The following RARS1 variants were observed in gnomAD, a reference collection of about 807,000 sequenced individuals.
RARS1 encodes the protein arginyl-tRNA synthetase 1.
RARS1 carries 75 observed loss-of-function variants against 78.7 expected under a neutral mutation model. That is an observed-to-expected ratio of 0.95 (90% CI 0.79 to 1.15). The LOEUF is 1.15. Among genes scored for constraint, RARS1 ranks in the 50% most tolerant of loss-of-function variants. The pLI is 0.00. For missense variants in RARS1, 787 were observed against 787.5 expected, an observed-to-expected ratio of 1.00 and a Z score of 0.01; for synonymous variants, 273 against 268.2, an observed-to-expected ratio of 1.02 and a Z score of -0.18.
rs376172227 is a variant in RARS1, at chr5:168,497,205, A to G, written c.702-23A>G. The G allele has an allele frequency of 1.0e-4, 148 of 1,411,178 alleles. No homozygotes were observed. The African/African-American group carries it at 2.0e-3, about 19-fold the overall frequency. The allele number at this position is 1,411,178 out of a possible 1,614,324, so 87.4% of individuals were successfully genotyped here. ...CATCTTTATTATTTAAAAAATGATT[A>G]TATATTCTCTGATTGGTGTTAGGTT... On this transcript the variant is annotated intron_variant, in intron 6 of 14. Transcript: ENST00000231572.
At position 168,488,701 on chromosome 5, in the gene RARS1, T is replaced by C. The variant is rs897341192; in HGVS notation, c.145T>C (p.Leu49=). ...PNLEQLQEEN[L]KLKYRLNILR... ...TTTGGAGCAGTTACAAGAAGAAAAT[T>C]TAAAATTAAAGTATCGACTGAATAT... is the stretch of plus-strand genomic sequence containing the variant. Residue 49 remains leucine, a synonymous_variant, in exon 2 of 15, where the codon TTA becomes CTA. Coordinates refer to ENST00000231572, the MANE Select transcript of RARS1 (RefSeq NM_002887.4). The C allele has an allele frequency of 6.2e-7, 1 of 1,611,062 alleles. No individual in the cohort carries two copies. The highest frequency in any genetic ancestry group is 8.5e-7 in the Non-Finnish European group (1 of 1,179,236).
chr5:168,494,305 G>A (rs562928042), intron 4 of RARS1: 11 of 985,396 alleles, frequency 1.1e-5, no homozygotes, highest in Non-Finnish European at 1.1e-5. Context: ...GTTAAGAGGC[G>A]AACAGATTGT....
At chr5:168,486,621 G>T in intron 1 of RARS1, 78 bp downstream of exon 1, 7 of 1,473,536 alleles carry the variant, frequency 4.8e-6, no homozygotes, top group Non-Finnish European at 5.5e-6. Flanking sequence ...GGCTTCGGGG[G>T]CGGGACAGCT....
intron 12 of RARS1, among the ~76,000 whole-genome samples, chr5:168,516,362 C>T (rs1758666343): frequency 6.6e-6 from 1 of 152,138 alleles, no homozygotes; most frequent in East Asian, 1.9e-4. Context: ...ACTCTTAATA[C>T]ACCCTTGATT....
At chr5:168,507,005 G>C (rs17664559) in intron 11 of RARS1, among the ~76,000 whole-genome samples, 174 bp downstream of exon 11, 1 of 152,164 alleles carries the variant, frequency 6.6e-6, no homozygotes, top group Non-Finnish European at 1.5e-5. Flanking sequence ...GCCAGGGAAT[G>C]TAGCCTTTTA....
At chr5:168,500,769 A>G in intron 8 of RARS1, 49 bp downstream of exon 8, 1 of 1,576,620 alleles carries the variant, frequency 6.3e-7, no homozygotes, top group Non-Finnish European at 8.6e-7. Context: ...TATGTATATC[A>G]TTTCCTGGAG....
chr5:168,511,128 C>T (rs1442911567), intron 12 of RARS1, among the ~76,000 whole-genome samples: 1 of 151,940 alleles, frequency 6.6e-6, no homozygotes, highest in Non-Finnish European at 1.5e-5. Context: ...CCTTTCATGG[C>T]ACCCTTAGAA....
chr5:168,503,338 T>G (rs771339235), intron 9 of RARS1, among the ~76,000 whole-genome samples: 7 of 152,338 alleles, frequency 4.6e-5, no homozygotes, highest in Middle Eastern at 3.4e-3. Context: ...TATGCTGAAC[T>G]TTGTTACTAA....
chr5:168,489,436 T>C (rs571385088), intron 2 of RARS1, among the ~76,000 whole-genome samples: 1 of 152,344 alleles, frequency 6.6e-6, no homozygotes, highest in South Asian at 2.1e-4. Context: ...ACCTGCATAT[T>C]TTCTCTGCCC....
At chr5:168,504,886 CTGAGGCAGGAGGATTGCT>C (rs1456302472) in intron 9 of RARS1, among the ~76,000 whole-genome samples, 1 of 152,052 alleles carries the variant, frequency 6.6e-6, no homozygotes, top group Non-Finnish European at 1.5e-5. Context: ...TCACGAGAGG[CTGAGGCAGGAGGATTGCT>C]TGAGCCCAGG....
chr5:168,516,665 T>C (rs1369492640), intron 12 of RARS1, 113 bp from the exon 13 acceptor site: 2 of 1,018,150 alleles, frequency 2.0e-6, no homozygotes, highest in Non-Finnish European at 2.9e-6. Flanking sequence ...TATTAAAGTT[T>C]ATTGGTAAAA....
intron 9 of RARS1, among the ~76,000 whole-genome samples, chr5:168,505,542 T>G (rs1758422399): frequency 6.6e-6 from 1 of 152,036 alleles, no homozygotes; most frequent in African/African-American, 2.4e-5. Context: ...AAGCAGATTT[T>G]CATGTTCTGG....
chr5:168,515,811 TTTAA>T (rs1461872459), intron 12 of RARS1, among the ~76,000 whole-genome samples: 1 of 152,248 alleles, frequency 6.6e-6, no homozygotes, highest in Admixed American at 6.5e-5. Flanking sequence ...TGCTCAGCTC[TTTAA>T]TTACCATTTG....
intron 9 of RARS1, among the ~76,000 whole-genome samples, chr5:168,505,593 G>A (rs551255105): frequency 3.1e-4 from 47 of 152,118 alleles, no homozygotes; most frequent in African/African-American, 1.1e-3. Context: ...AGTTTGGGAG[G>A]CCAGGCATGG....
At position 168,516,796 on chromosome 5, in the gene RARS1, T is replaced by C; in HGVS notation, c.1471T>C (p.Leu491=). The part of the protein sequence containing the change: ...ERDKVLTAEE[L]NAAQTSVAYG... ...CCCAAAGGTCTTAACTGCAGAGGAA[T>C]TGAATGCTGCTCAGACATCCGTTGC... The change falls in exon 13 of 15, where the codon TTG becomes CTG. Residue 491 remains leucine (L), a synonymous_variant. Transcript: ENST00000231572. 1 of 1,614,176 alleles carries C rather than the reference T, an allele frequency of 6.2e-7. No homozygotes were observed. The highest frequency in any genetic ancestry group is 1.3e-5 in the African/African-American group (1 of 75,050).
At chr5:168,514,811 T>G (rs957497361) in intron 12 of RARS1, among the ~76,000 whole-genome samples, 2 of 152,228 alleles carry the variant, frequency 1.3e-5, no homozygotes, top group African/African-American at 4.8e-5. Context: ...TCTCCTTCTC[T>G]TTAATCTGGG....
At position 168,516,809 on chromosome 5, in the gene RARS1, A is replaced by C; in HGVS notation, c.1484A>C (p.Gln495Pro). 1 of 1,614,200 alleles carries C rather than the reference A, an allele frequency of 6.2e-7. No individual in the cohort carries two copies. The highest frequency in any genetic ancestry group is 8.5e-7 in the Non-Finnish European group (1 of 1,180,024). ...VLTAEELNAA[Q>P]TSVAYGCIKY... The stretch of plus-strand genomic sequence containing the variant: ...ACTGCAGAGGAATTGAATGCTGCTC[A>C]GACATCCGTTGCGTATGGCTGCATC... Residue 495 changes from glutamine (Q) to proline (P), a missense_variant, in exon 13 of 15, where the codon CAG (glutamine) becomes CCG (proline). Physicochemically the swap from Gln to Pro is moderately conservative, Grantham distance 76 (BLOSUM62 -1). Coordinates refer to ENST00000231572, the MANE Select transcript of RARS1 (RefSeq NM_002887.4).
rs768375252 is a variant in RARS1, at chr5:168,486,496, A to G, written c.-3A>G. On this transcript the variant is annotated 5_prime_UTR_variant, in exon 1 of 15. Transcript: ENST00000231572. ...ACTTGGCGAGTGAGACGCTGATGGG[A>G]GGATGGACGTACTGGTGTCTGAGTG... is the stretch of plus-strand genomic sequence containing the variant. 1.3e-5 allele frequency: 20 copies of G among 1,558,028 alleles called. No homozygotes were observed. The highest frequency in any genetic ancestry group is 2.4e-5 in the East Asian group (1 of 42,138).
chr5:168,505,887 T>G, intron 9 of RARS1, 134 bp from the exon 10 acceptor site: 1 of 822,900 alleles, frequency 1.2e-6, no homozygotes, highest in South Asian at 2.0e-5. Context: ...ATTATGTGCT[T>G]TCTTTAGCTC....
Sources: gnomAD v4.1 joint callset for allele counts (sites outside exome capture counted in the v4.1 genomes callset) on GRCh38, gnomAD v4.1.1 for gene constraint, MANE v1.5 for transcripts, NCBI Gene and HGNC (gene_info 2026-07-23, HGNC 2026-07-21) for gene names.